The following FAM131B variants were observed in gnomAD, a reference collection of about 807,000 sequenced individuals.
FAM131B encodes the protein family with sequence similarity 131 member B.
A neutral mutation model predicts 42.0 loss-of-function variants in FAM131B; 19 were observed. The ratio of observed to expected loss-of-function variants is 0.45; its 90% CI spans 0.32 to 0.66. The LOEUF is 0.66. Ranked by LOEUF, FAM131B falls within the 30% of genes least tolerant of loss-of-function variation. FAM131B has a pLI of 0.05. For synonymous variants in FAM131B, 183 were observed against 177.6 expected, an observed-to-expected ratio of 1.03 and a Z score of -0.24; for missense variants, 370 against 468.4, an observed-to-expected ratio of 0.79 and a Z score of 1.94.
In FAM131B at chr7:143,358,234, A is replaced by G. The variant is rs892273488; in HGVS notation, c.466+593T>C. 1.3e-5 allele frequency among the ~76,000 whole-genome samples: 2 copies of G among 152,152 alleles called. No homozygotes were observed. Among genetic ancestry groups the G allele is most frequent in the Admixed American group, 6.5e-5 (1 of 15,286 alleles). On this transcript the variant is annotated intron_variant, in intron 5 of 6. Coordinates refer to ENST00000443739, the MANE Select transcript of FAM131B (RefSeq NM_001031690.3). The surrounding 1 kb of genome is among the most constrained non-coding windows in gnomAD (Gnocchi z 4.7). Reference sequence around the variant, plus strand: ...TCCTCCCACCCATACCACCAACTCAATACTTCCTTTCTCTTCCAGACCTAT... The same window carrying G: ...TCCTCCCACCCATACCACCAACTCAGTACTTCCTTTCTCTTCCAGACCTAT...
intron 1 of FAM131B, 166 bp from the exon 2 acceptor site, chr7:143,360,315 A>G (rs1485956908): frequency 2.8e-6 from 4 of 1,442,096 alleles, no homozygotes; most frequent in African/African-American, 2.9e-5. Flanking sequence ...GCTGAGCCCA[A>G]ATATTCAGTT....
the FAM131B span, chr7:143,381,126 C>T: frequency 2.3e-6 from 2 of 886,260 alleles, no homozygotes; most frequent in Non-Finnish European, 2.7e-6. Context: ...GGGGTGGGGG[C>T]GAGCGGACCT....
Position 143,356,693 on chromosome 7 carries a change from C to T in FAM131B, c.940G>A (p.Glu314Lys), listed in dbSNP as rs762586926. 6.2e-7 allele frequency: 1 copy of T among 1,614,196 alleles called. No individual in the cohort carries two copies. The highest frequency in any genetic ancestry group is 8.5e-7 in the Non-Finnish European group (1 of 1,180,032). ...EKRPLAPEEE[E>K]DAGCRDLESL... ...TCCAGGTCCCGGCATCCCGCATCCT[C>T]TTCCTCCTCAGGTGCCAATGGCCTC... Residue 314 changes from glutamate to lysine, a missense_variant, in exon 7 of 7, where the codon GAG (glutamate) becomes AAG (lysine). Glu to Lys is a moderately conservative substitution (Grantham distance 56, BLOSUM62 1). Transcript: ENST00000443739. This position sits in a 1 kb window ranked among gnomAD's most constrained non-coding sequence, Gnocchi z 4.4.
At chr7:143,366,311 T>G (rs114325570), upstream of FAM131B, among the ~76,000 whole-genome samples, 3 of 152,308 alleles carry the variant, frequency 2.0e-5, no homozygotes, top group African/African-American at 7.2e-5. Context: ...GCAATAAGTC[T>G]TTGGTGCTTT....
the FAM131B span, among the ~76,000 whole-genome samples, chr7:143,370,815 C>T: frequency 6.6e-6 from 1 of 152,202 alleles, no homozygotes; most frequent in African/African-American, 2.4e-5. Context: ...CTTGCTTTTA[C>T]TTTCCTCTAT....
the FAM131B span, among the ~76,000 whole-genome samples, chr7:143,371,979 G>A: frequency 6.6e-6 from 1 of 152,072 alleles, no homozygotes; most frequent in African/African-American, 2.4e-5. Flanking sequence ...TTTTCAATTT[G>A]TTTAATTTTC....
chr7:143,361,861 C>CA, intron 1 of FAM131B: 2 of 166,632 alleles, frequency 1.2e-5, no homozygotes, highest in Non-Finnish European at 2.5e-5. Context: ...CGGCCCCACC[C>CA]TCCCGGGCCG....
rs924918163 is a variant in FAM131B at position 143,362,359 on chromosome 7, C to A, written c.28+217G>T. ...CGGGAGGGCGACGGGGAGAAGGAAG[C>A]GAGCCGAGCGGGATGGCAGCCCCGG... On this transcript the variant is annotated intron_variant, in intron 1 of 6. Transcript: ENST00000443739. This position sits in a 1 kb window ranked among gnomAD's most constrained non-coding sequence, Gnocchi z 7.7. 2.6e-5 allele frequency among the ~76,000 whole-genome samples: 4 copies of A among 152,062 alleles called. No individual in the cohort carries two copies. Among genetic ancestry groups the A allele is most frequent in the African/African-American group, 7.2e-5 (3 of 41,406 alleles).
chr7:143,360,567 G>T (rs188587195), intron 1 of FAM131B: 10 of 239,380 alleles, frequency 4.2e-5, no homozygotes, highest in Non-Finnish European at 5.7e-5. Flanking sequence ...TGTCTCCCCC[G>T]GTGGGCCCTT....
upstream of FAM131B, among the ~76,000 whole-genome samples, chr7:143,363,275 G>T (rs1804083955): frequency 6.6e-6 from 1 of 152,178 alleles, no homozygotes; most frequent in Non-Finnish European, 1.5e-5. Flanking sequence ...CTTTGCAAGT[G>T]AATCGTGTAG....
upstream of FAM131B, among the ~76,000 whole-genome samples, chr7:143,367,099 C>T (rs1804198244): frequency 6.6e-6 from 1 of 152,206 alleles, no homozygotes; most frequent in Admixed American, 6.5e-5. Context: ...CCGACCCCTA[C>T]CTGCCATCCC....
the FAM131B span, chr7:143,381,465 G>A: frequency 7.6e-7 from 1 of 1,313,344 alleles, no homozygotes; most frequent in Non-Finnish European, 9.7e-7. Flanking sequence ...GGGGCGCCGG[G>A]AGGGGGCGAG....
At chr7:143,357,497 C>G in intron 5 of FAM131B, 74 bp from the exon 6 acceptor site, 3 of 1,320,012 alleles carry the variant, frequency 2.3e-6, no homozygotes, top group Non-Finnish European at 3.2e-6. Flanking sequence ...AGGAAAACAT[C>G]TTAGTGCAGC....
At chr7:143,381,663 C>T in the FAM131B span, 2 of 1,611,826 alleles carry the variant, frequency 1.2e-6, no homozygotes, top group Non-Finnish European at 1.7e-6. Context: ...CCTGTGGTGG[C>T]CCCAAAGCCC....
chr7:143,356,751 C>T lies in FAM131B; in HGVS notation c.882G>A (p.Val294=). ...DTDWAPGVGA[V]DLARGPAEEE... ...CCTCAGCAGGGCCCCTTGCCAGGTCCACTGCGCCTACCCCCGGAGCCCAGT... is the reference window on the plus strand; with the variant it reads ...CCTCAGCAGGGCCCCTTGCCAGGTCTACTGCGCCTACCCCCGGAGCCCAGT... The change falls in exon 7 of 7, where the codon GTG becomes GTA. Residue 294 remains valine, a synonymous_variant. Coordinates refer to ENST00000443739, the MANE Select transcript of FAM131B (RefSeq NM_001031690.3). The surrounding 1 kb of genome is among the most constrained non-coding windows in gnomAD (Gnocchi z 4.4). 1 of 1,614,136 alleles carries T rather than the reference C, an allele frequency of 6.2e-7. No individual in the cohort carries two copies.
the FAM131B span, among the ~76,000 whole-genome samples, chr7:143,375,062 C>T: frequency 6.6e-6 from 1 of 152,210 alleles, no homozygotes; most frequent in East Asian, 1.9e-4. Flanking sequence ...ATTATGTCCC[C>T]AGCACCTAAC....
chr7:143,382,050 C>A, the FAM131B span: 4 of 610,368 alleles, frequency 6.6e-6, no homozygotes, highest in Non-Finnish European at 1.1e-5. Flanking sequence ...GTAACGGGAG[C>A]TGCACCACTC....
At chr7:143,364,858 G>C (rs140539569), upstream of FAM131B, among the ~76,000 whole-genome samples, 1,381 of 152,198 alleles carry the variant, frequency 9.1e-3, 7 homozygotes, top group Non-Finnish European at 0.014. Context: ...TTGGCGGGGG[G>C]GTTCTCTAAT....
Position 143,359,451 on chromosome 7 carries a change from G to T in FAM131B, c.175-32C>A. The T allele has an allele frequency of 6.5e-7, 1 of 1,530,288 alleles. No homozygotes were observed. The highest frequency in any genetic ancestry group is 9.0e-7 in the Non-Finnish European group (1 of 1,105,426). The allele number at this position is 1,530,288 out of a possible 1,614,324, so 94.8% of individuals were successfully genotyped here. A position where few individuals can be genotyped will look rare whatever the true frequency, so the allele number is the denominator to read the frequency against. ...TGGGAATGTGGGAGGAAGGGCAGAG[G>T]AATAAGAAGGTACGGGCGTGCTTTA... On this transcript the variant is annotated intron_variant, in intron 3 of 6. Transcript: ENST00000443739. The surrounding 1 kb of genome is among the most constrained non-coding windows in gnomAD (Gnocchi z 5.4).
Sources: gnomAD v4.1 joint callset for allele counts (sites outside exome capture counted in the v4.1 genomes callset) on GRCh38, gnomAD v4.1.1 for gene constraint, Gnocchi (gnomAD v3.1) non-coding constraint, MANE v1.5 for transcripts, NCBI Gene and HGNC (gene_info 2026-07-23, HGNC 2026-07-21) for gene names.